Variants in FLT1 observed in about 807,000 individuals in gnomAD.
The protein encoded by FLT1 is fms related receptor tyrosine kinase 1.
A neutral mutation model predicts 156.3 loss-of-function variants in FLT1; 49 were observed. The ratio of observed to expected loss-of-function variants is 0.31; its 90% CI spans 0.25 to 0.40. FLT1 has a LOEUF of 0.40. FLT1 is among the 10% of genes least tolerant of loss of function. The pLI is 1.00. For missense variants in FLT1, 1,322 were observed against 1,637.2 expected, an observed-to-expected ratio of 0.81 and a Z score of 3.32; for synonymous variants, 594 against 583.8, an observed-to-expected ratio of 1.02 and a Z score of -0.25.
At chr13:28,334,664 T>G (rs1405481695) in intron 17 of FLT1, among the ~76,000 whole-genome samples, 2 of 152,214 alleles carry the variant, frequency 1.3e-5, no homozygotes, top group Admixed American at 6.5e-5. Flanking sequence ...ATTTCCAGTC[T>G]TTCTAATGTG....
chr13:28,329,657 G>C lies in FLT1; in HGVS notation c.2665C>G (p.Leu889Val). The C allele has an allele frequency of 6.2e-7, 1 of 1,614,232 alleles. No homozygotes were observed. The highest frequency in any genetic ancestry group is 1.3e-5 in the African/African-American group (1 of 75,064). The change falls in exon 19 of 30, where the codon CTG (leucine) becomes GTG (valine). Residue 889 changes from leucine (L) to valine (V), a missense_variant. By Grantham distance (32) the Leu-to-Val change is conservative. This residue lies in a region of FLT1 where 991 missense variants were observed against 1,254.8 expected (regional missense o/e 0.79). Coordinates refer to ENST00000282397, the MANE Select transcript of FLT1 (RefSeq NM_002019.4). Reference protein sequence around the residue: ...LKILTHIGHHLNVVNLLGACT... With the variant: ...LKILTHIGHHVNVVNLLGACT... ...GCTCCCAGCAGGTTAACCACGTTCA[G>C]ATGGTGGCCAATGTGGGTCAAGATT...
intron 16 of FLT1, among the ~76,000 whole-genome samples, chr13:28,344,201 G>A (rs1373853512): frequency 6.6e-6 from 1 of 151,762 alleles, no homozygotes; most frequent in Non-Finnish European, 1.5e-5. Flanking sequence ...GCCTGGCCAG[G>A]CCTTGCCGCT....
chr13:28,484,126 C>A (rs1881010008), intron 1 of FLT1, among the ~76,000 whole-genome samples: 1 of 152,196 alleles, frequency 6.6e-6, no homozygotes, highest in Non-Finnish European at 1.5e-5. Flanking sequence ...GACATGTTCA[C>A]ATTTTTTTCC....
At chr13:28,464,256 T>C (rs1362675254) in intron 3 of FLT1, among the ~76,000 whole-genome samples, 1 of 152,236 alleles carries the variant, frequency 6.6e-6, no homozygotes, top group African/African-American at 2.4e-5. Context: ...ATCTAAGTGA[T>C]AGATAATTTC....
In FLT1 at chr13:28,329,790, G is replaced by GAA; in HGVS notation, c.2594-63_2594-62insTT. On this transcript the variant is annotated intron_variant, in intron 18 of 29. Coordinates refer to ENST00000282397, the MANE Select transcript of FLT1 (RefSeq NM_002019.4). ...CAATGGGGCTCCTTCCGCCGGAGGC[G>GAA]GCATTCTTGCCCTCCTTGTTTGTCA... 4 of 1,371,518 alleles carry GAA rather than the reference G, an allele frequency of 2.9e-6. No homozygotes were observed. The South Asian group carries it at 4.8e-5, about 16-fold the overall frequency. 85.0% of individuals were successfully genotyped at this position (1,371,518 alleles called of 1,614,324 possible).
chr13:28,320,840 T>A (rs559871401), intron 23 of FLT1, among the ~76,000 whole-genome samples: 56 of 152,096 alleles, frequency 3.7e-4, no homozygotes, highest in Middle Eastern at 3.4e-3. Context: ...CGCCCAGACA[T>A]AAGCTTAACC....
Position 28,467,064 on chromosome 13 carries a change from A to G in FLT1, c.227T>C (p.Ile76Thr), listed in dbSNP as rs201080437. The G allele has an allele frequency of 6.2e-7, 1 of 1,614,170 alleles. No homozygotes were observed. The highest frequency in any genetic ancestry group is 8.5e-7 in the Non-Finnish European group (1 of 1,180,018). The change falls in exon 3 of 30, where the codon ATA (isoleucine) becomes ACA (threonine). Residue 76 changes from isoleucine (I) to threonine (T), a missense_variant. Ile to Thr is a moderately conservative substitution (Grantham distance 89). Coordinates refer to ENST00000282397, the MANE Select transcript of FLT1 (RefSeq NM_002019.4). ...ATTTCTTCCACAGGCAGATTTAGTT[A>G]TGCTCAGCCTTTCGCTTTCCTTACT... ...MVSKESERLS[I>T]TKSACGRNGK...
chr13:28,406,754 T>G (rs1032919534), intron 10 of FLT1, among the ~76,000 whole-genome samples: 13 of 152,128 alleles, frequency 8.5e-5, no homozygotes, highest in African/African-American at 2.9e-4. Flanking sequence ...CAAGCAATCC[T>G]GCCGCTTCAG....
intron 3 of FLT1, among the ~76,000 whole-genome samples, chr13:28,460,255 G>C (rs1179245597): frequency 6.6e-6 from 1 of 152,182 alleles, no homozygotes; most frequent in Non-Finnish European, 1.5e-5. Context: ...TATTAACAGA[G>C]CCCTCTTCAC....
At chr13:28,316,843 G>A (rs1381208495) in intron 25 of FLT1, among the ~76,000 whole-genome samples, 2 of 151,866 alleles carry the variant, frequency 1.3e-5, no homozygotes, top group South Asian at 2.1e-4. Context: ...GGCTAGTCTC[G>A]AACTCCTGAC....
chr13:28,462,293 T>C (rs1879623471), intron 3 of FLT1, among the ~76,000 whole-genome samples: 2 of 152,206 alleles, frequency 1.3e-5, no homozygotes, highest in South Asian at 4.1e-4. Context: ...TTCAATGAAA[T>C]CCTCTAACTG....
intron 15 of FLT1, among the ~76,000 whole-genome samples, chr13:28,353,278 G>A (rs1287255663): frequency 6.6e-6 from 1 of 152,132 alleles, no homozygotes; most frequent in East Asian, 1.9e-4. Context: ...TCTGATATAA[G>A]AGTATCAGAT....
intron 12 of FLT1, among the ~76,000 whole-genome samples, chr13:28,391,391 A>G (rs1874703149): frequency 6.6e-6 from 1 of 152,160 alleles, no homozygotes; most frequent in South Asian, 2.1e-4. Flanking sequence ...CTCTGAGACA[A>G]ATGCATACCT....
At chr13:28,327,756 C>CAAAAAAAAAA (rs56031277) in intron 19 of FLT1, among the ~76,000 whole-genome samples, 4 of 122,768 alleles carry the variant, frequency 3.3e-5, no homozygotes, top group East Asian at 2.3e-4. Flanking sequence ...AATTGAAATA[C>CAAAAAAAAAA]AAAAAAAAAA....
chr13:28,435,807 A>G (rs1341343947), intron 4 of FLT1, among the ~76,000 whole-genome samples: 1 of 152,198 alleles, frequency 6.6e-6, no homozygotes, highest in Non-Finnish European at 1.5e-5. Context: ...ACTGAAAGCA[A>G]TTAAAGGATT....
At chr13:28,420,926 C>T (rs867255628) in intron 10 of FLT1, among the ~76,000 whole-genome samples, 5 of 152,100 alleles carry the variant, frequency 3.3e-5, no homozygotes, top group Admixed American at 6.5e-5. Context: ...TAGGCAAGCC[C>T]CTCTCGGAAG....
chr13:28,415,890 T>C (rs370764695), intron 10 of FLT1, among the ~76,000 whole-genome samples: 1 of 152,248 alleles, frequency 6.6e-6, no homozygotes, highest in South Asian at 2.1e-4. Context: ...TGTCCCAAGA[T>C]GCAAATATAT....
chr13:28,490,970 A>G (rs1266395143), intron 1 of FLT1, among the ~76,000 whole-genome samples: 3 of 152,140 alleles, frequency 2.0e-5, no homozygotes, highest in East Asian at 1.9e-4. Context: ...CTTTTTCTCC[A>G]TTCTTATCCC....
At chr13:28,350,642 G>T (rs1262888492) in intron 15 of FLT1, among the ~76,000 whole-genome samples, 2 of 152,016 alleles carry the variant, frequency 1.3e-5, no homozygotes, top group Non-Finnish European at 2.9e-5. Flanking sequence ...AATATAACCA[G>T]ACAGAGTTTC....
Sources: allele counts gnomAD v4.1 joint callset (sites outside exome capture counted in the v4.1 genomes callset), GRCh38; gene constraint gnomAD v4.1.1; regional missense constraint gnomAD v4.1.1; transcripts MANE v1.5; gene names NCBI Gene and HGNC (gene_info 2026-07-23, HGNC 2026-07-21).